The following CCDC146 variants were observed in gnomAD, a reference collection of about 807,000 sequenced individuals.
CCDC146 encodes coiled-coil domain containing 146, also known as coiled-coil domain-containing protein 146.
A neutral mutation model predicts 119.3 loss-of-function variants in CCDC146; 92 were observed. The observed-to-expected ratio is 0.77, with a 90% CI of 0.65 to 0.92. The LOEUF (loss-of-function observed/expected upper bound fraction) is 0.92, where lower values mean the gene tolerates loss of function less well. CCDC146 is among the 40% of genes least tolerant of loss of function. The pLI is 0.00. For missense variants in CCDC146, 1,000 were observed against 1,103.0 expected, an observed-to-expected ratio of 0.91 and a Z score of 1.32; for synonymous variants, 372 against 371.8, an observed-to-expected ratio of 1.00 and a Z score of -0.01.
chr7:77,131,994 G>A (rs1222097649), intron 1 of CCDC146, among the ~76,000 whole-genome samples: 8 of 152,172 alleles, frequency 5.3e-5, no homozygotes, highest in Non-Finnish European at 7.3e-5. Context: ...GGTAACTTGC[G>A]TACAAGCATT....
chr7:77,291,290 G>C (rs929571668), intron 17 of CCDC146, among the ~76,000 whole-genome samples: 5 of 152,104 alleles, frequency 3.3e-5, no homozygotes, highest in African/African-American at 1.2e-4. Context: ...CCATTTATAA[G>C]ACAGCTTACA....
chr7:77,237,984 G>A (rs537429467), intron 3 of CCDC146, among the ~76,000 whole-genome samples: 5 of 152,150 alleles, frequency 3.3e-5, no homozygotes, highest in East Asian at 1.9e-4. Context: ...TCCTCTCCCC[G>A]CAATTCCCAA....
intron 1 of CCDC146, among the ~76,000 whole-genome samples, chr7:77,140,626 A>G (rs1474173505): frequency 1.3e-5 from 2 of 152,146 alleles, no homozygotes; most frequent in Admixed American, 1.3e-4. Context: ...CCCCATCTGG[A>G]AATATCATCA....
chr7:77,191,239 G>A (rs11772737), intron 2 of CCDC146, among the ~76,000 whole-genome samples: 340 of 152,298 alleles, frequency 2.2e-3, no homozygotes, highest in Admixed American at 4.6e-3. Context: ...CTGTTTCTGA[G>A]AACCTATCAA....
chr7:77,270,939 C>T (rs1793498378), intron 9 of CCDC146, among the ~76,000 whole-genome samples: 2 of 151,996 alleles, frequency 1.3e-5, no homozygotes, highest in Non-Finnish European at 2.9e-5. Flanking sequence ...CAGCCACTTT[C>T]CCAGGACCCC....
chr7:77,267,739 C>G (rs1793435107), intron 9 of CCDC146, among the ~76,000 whole-genome samples: 1 of 151,956 alleles, frequency 6.6e-6, no homozygotes. Flanking sequence ...TTTTGTGTTC[C>G]CAGGAATTTA....
chr7:77,193,499 CA>C (rs1791808523), intron 2 of CCDC146: 1 of 152,088 alleles, frequency 6.6e-6, no homozygotes, highest in African/African-American at 2.4e-5. Flanking sequence ...GAATTTTAAA[CA>C]AGAGCTTATT....
At chr7:77,198,981 GAACT>G (rs1256706181) in intron 2 of CCDC146, 19 of 590,058 alleles carry the variant, frequency 3.2e-5, no homozygotes, top group South Asian at 2.7e-4. Context: ...AGTGGATACA[GAACT>G]AACTATGATT....
At chr7:77,141,532 C>G (rs1361278038) in intron 1 of CCDC146, among the ~76,000 whole-genome samples, 1 of 152,220 alleles carries the variant, frequency 6.6e-6, no homozygotes, top group African/African-American at 2.4e-5. Context: ...TACACTCCCA[C>G]CAACACAGTA....
chr7:77,218,711 A>G (rs181022571), intron 2 of CCDC146, among the ~76,000 whole-genome samples: 19 of 150,192 alleles, frequency 1.3e-4, no homozygotes, highest in Admixed American at 1.2e-3. Context: ...TGATCCTCCT[A>G]TGTCAGCCTT....
intron 1 of CCDC146, among the ~76,000 whole-genome samples, chr7:77,130,415 C>A (rs1195336580): frequency 6.6e-6 from 1 of 152,038 alleles, no homozygotes; most frequent in African/African-American, 2.4e-5. Flanking sequence ...AATGTACAGA[C>A]CCAAAGAGCA....
At chr7:77,227,682 T>A (rs1034791788) in intron 2 of CCDC146, among the ~76,000 whole-genome samples, 3 of 152,216 alleles carry the variant, frequency 2.0e-5, no homozygotes, top group Non-Finnish European at 2.9e-5. Flanking sequence ...AGAATCTGCC[T>A]ATATCTGCCA....
At chr7:77,169,903 CATAGCTT>C (rs1413088425) in intron 2 of CCDC146, among the ~76,000 whole-genome samples, 1 of 152,164 alleles carries the variant, frequency 6.6e-6, no homozygotes, top group Non-Finnish European at 1.5e-5. Flanking sequence ...CCTAGAATGT[CATAGCTT>C]CTAGCCCCTC....
intron 9 of CCDC146, among the ~76,000 whole-genome samples, chr7:77,267,077 T>C (rs1793419932): frequency 6.6e-6 from 1 of 151,666 alleles, no homozygotes; most frequent in Admixed American, 6.6e-5. Flanking sequence ...CTGCAACCTC[T>C]GTCTCCTCGG....
chr7:77,160,194 A>G (rs917659508), intron 1 of CCDC146, among the ~76,000 whole-genome samples: 2 of 152,194 alleles, frequency 1.3e-5, no homozygotes, highest in African/African-American at 4.8e-5. Flanking sequence ...GTTTGAAGTC[A>G]GGTAGCGTGA....
At chr7:77,266,990 A>G (rs1793416721) in intron 9 of CCDC146, among the ~76,000 whole-genome samples, 1 of 74,238 alleles carries the variant, frequency 1.3e-5, no homozygotes. Flanking sequence ...AATGCAAAGG[A>G]ATTTTTTTTT....
chr7:77,132,201 G>C (rs191044053), intron 1 of CCDC146, among the ~76,000 whole-genome samples: 1,624 of 151,828 alleles, frequency 0.011, 22 homozygotes, highest in African/African-American at 0.037. Context: ...TTAGAAAGGA[G>C]AGAACTCTTC....
At chr7:77,222,526 G>A (rs924112743) in intron 2 of CCDC146, among the ~76,000 whole-genome samples, 1 of 152,112 alleles carries the variant, frequency 6.6e-6, no homozygotes, top group African/African-American at 2.4e-5. Flanking sequence ...CATAAAAGGG[G>A]GCCTGAAAGG....
intron 5 of CCDC146, 102 bp from the exon 6 acceptor site, chr7:77,256,231 A>G: frequency 1.2e-6 from 1 of 800,724 alleles, no homozygotes; most frequent in Non-Finnish European, 1.9e-6. Context: ...CTTCAAAACA[A>G]ATATAATCAA....
Sources: gnomAD v4.1 joint callset for allele counts (sites outside exome capture counted in the v4.1 genomes callset) on GRCh38, gnomAD v4.1.1 for gene constraint, MANE v1.5 for transcripts, NCBI Gene and HGNC (gene_info 2026-07-23, HGNC 2026-07-21) for gene names.